The following ENTREP2 variants were observed in gnomAD, a reference collection of about 807,000 sequenced individuals.
ENTREP2 encodes the protein endosomal transmembrane epsin interactor 2.
At chr15:29,172,983 G>A in the ENTREP2 span, among the ~76,000 whole-genome samples, 55 of 152,232 alleles carry the variant, frequency 3.6e-4, no homozygotes, top group African/African-American at 1.3e-3. Context: ...GCCTTCCCCC[G>A]TCCCTGGCTG....
At chr15:29,255,816 A>G in the ENTREP2 span, among the ~76,000 whole-genome samples, 1 of 152,166 alleles carries the variant, frequency 6.6e-6, no homozygotes, top group Admixed American at 6.5e-5. Flanking sequence ...CCTGGCTAAC[A>G]CGGTGAAACC....
the ENTREP2 span, among the ~76,000 whole-genome samples, chr15:29,441,716 C>CA: frequency 6.6e-6 from 1 of 152,072 alleles, no homozygotes; most frequent in South Asian, 2.1e-4. Flanking sequence ...ATAATCCCCC[C>CA]AAATTGCCCT....
At chr15:29,649,146 A>AT in the ENTREP2 span, among the ~76,000 whole-genome samples, 1 of 152,126 alleles carries the variant, frequency 6.6e-6, no homozygotes, top group East Asian at 1.9e-4. Flanking sequence ...GACTGAAGGA[A>AT]TAGCTGACCT....
chr15:29,357,576 G>T, the ENTREP2 span, among the ~76,000 whole-genome samples: 1 of 152,102 alleles, frequency 6.6e-6, no homozygotes, highest in Non-Finnish European at 1.5e-5. Flanking sequence ...GGTGGCTCAC[G>T]CCTGTAATCC....
chr15:29,661,044 G>C, the ENTREP2 span, among the ~76,000 whole-genome samples: 6 of 145,920 alleles, frequency 4.1e-5, no homozygotes, highest in African/African-American at 1.4e-4. Context: ...TTAAGAGTGT[G>C]GTTGTAATTA....
the ENTREP2 span, among the ~76,000 whole-genome samples, chr15:29,349,626 C>G: frequency 6.6e-6 from 1 of 152,156 alleles, no homozygotes; most frequent in Non-Finnish European, 1.5e-5. Flanking sequence ...GAGAAGACAG[C>G]ACACTAACCT....
At chr15:29,403,293 G>A in the ENTREP2 span, among the ~76,000 whole-genome samples, 1 of 152,212 alleles carries the variant, frequency 6.6e-6, no homozygotes, top group Non-Finnish European at 1.5e-5. Context: ...AAGAGCCTCT[G>A]CCCCCCTCCC....
At chr15:29,480,554 G>A in the ENTREP2 span, among the ~76,000 whole-genome samples, 1 of 151,958 alleles carries the variant, frequency 6.6e-6, no homozygotes, top group Admixed American at 6.6e-5. Context: ...AAAAAGAGCC[G>A]GATGTGGTGG....
chr15:29,278,524 G>C, the ENTREP2 span, among the ~76,000 whole-genome samples: 11,646 of 152,284 alleles, frequency 0.076, 589 homozygotes, highest in East Asian at 0.18. Flanking sequence ...CCCCTGTGAG[G>C]CCTGGGCTCC....
the ENTREP2 span, among the ~76,000 whole-genome samples, chr15:29,175,627 C>G: frequency 6.6e-6 from 1 of 152,170 alleles, no homozygotes; most frequent in African/African-American, 2.4e-5. Context: ...CTTTTTGAGA[C>G]GGAGTCTCAC....
the ENTREP2 span, among the ~76,000 whole-genome samples, chr15:29,389,753 C>G: frequency 6.6e-6 from 1 of 152,170 alleles, no homozygotes. Context: ...CCTGACGCTG[C>G]TCCCTGTCAT....
chr15:29,136,631 C>A, the ENTREP2 span: 3 of 967,844 alleles, frequency 3.1e-6, no homozygotes, highest in Non-Finnish European at 4.4e-6. Flanking sequence ...ATTGTGAAAT[C>A]AAAGCTTCAG....
At chr15:29,222,900 C>T in the ENTREP2 span, among the ~76,000 whole-genome samples, 1 of 152,198 alleles carries the variant, frequency 6.6e-6, no homozygotes, top group Non-Finnish European at 1.5e-5. Context: ...TGTCTGGTCT[C>T]TAATCCAGCA....
the ENTREP2 span, among the ~76,000 whole-genome samples, chr15:29,285,504 A>G: frequency 6.6e-6 from 1 of 152,366 alleles, no homozygotes; most frequent in South Asian, 2.1e-4. Flanking sequence ...AAACACAACC[A>G]AGAAAAACTG....
chr15:29,377,040 G>C, the ENTREP2 span: 2 of 152,194 alleles, frequency 1.3e-5, no homozygotes, highest in Non-Finnish European at 2.9e-5. Context: ...GAAGGAGTTG[G>C]GGGGAGGGCA....
At chr15:29,265,928 C>T in the ENTREP2 span, 1 of 152,242 alleles carries the variant, frequency 6.6e-6, no homozygotes, top group East Asian at 1.9e-4. Context: ...AACATATTTA[C>T]AATTTTAGGA....
chr15:29,408,736 C>G, the ENTREP2 span, among the ~76,000 whole-genome samples: 1 of 152,048 alleles, frequency 6.6e-6, no homozygotes, highest in African/African-American at 2.4e-5. Context: ...ATCTTTCAAG[C>G]CTTTGATGAT....
the ENTREP2 span, among the ~76,000 whole-genome samples, chr15:29,521,715 T>G: frequency 1.3e-5 from 2 of 152,186 alleles, no homozygotes; most frequent in African/African-American, 4.8e-5. Context: ...CAGGGGCCTC[T>G]CCTGAACAGC....
chr15:29,187,687 A>G, the ENTREP2 span, among the ~76,000 whole-genome samples: 3 of 152,132 alleles, frequency 2.0e-5, no homozygotes, highest in Admixed American at 1.3e-4. Context: ...GTGCTCAAAA[A>G]TTTTCTCTGA....
Sources: gnomAD v4.1 joint callset for allele counts (sites outside exome capture counted in the v4.1 genomes callset) on GRCh38, gnomAD v4.1.1 for gene constraint, MANE v1.5 for transcripts, NCBI Gene and HGNC (gene_info 2026-07-23, HGNC 2026-07-21) for gene names.